Variants in MLF1 observed in about 807,000 individuals in gnomAD.
MLF1 encodes the protein myeloid leukemia factor 1, also known as myelodysplasia-myeloid leukemia factor 1.
Under a neutral mutation model 38.3 loss-of-function variants are expected in MLF1, and 37 were observed. The ratio of observed to expected loss-of-function variants is 0.96; its 90% confidence interval spans 0.74 to 1.27. The LOEUF (loss-of-function observed/expected upper bound fraction) is 1.27, where lower values mean the gene tolerates loss of function less well. MLF1 is among the 50% of genes most tolerant of loss of function. The probability of loss-of-function intolerance (pLI) is 0.00; values close to 1 mark genes in which losing one functional copy is unlikely to be tolerated. For synonymous variants in MLF1, 95 were observed against 106.5 expected, an observed-to-expected ratio of 0.89 and a Z score of 0.66; for missense variants, 331 against 349.2, an observed-to-expected ratio of 0.95 and a Z score of 0.42.
chr3:158,601,080 A>G (rs546514970), intron 6 of MLF1, among the ~76,000 whole-genome samples: 1 of 152,198 alleles, frequency 6.6e-6, no homozygotes, highest in Non-Finnish European at 1.5e-5. Flanking sequence ...CTAGTTTCAG[A>G]AAGTATTTTG....
intron 6 of MLF1, among the ~76,000 whole-genome samples, chr3:158,601,157 G>A (rs568044725): frequency 2.7e-4 from 41 of 152,134 alleles, no homozygotes; most frequent in African/African-American, 9.9e-4. Flanking sequence ...AATTCTGGCC[G>A]GGCACGGTGG....
At chr3:158,579,066 A>G (rs2108564524) in intron 1 of MLF1, among the ~76,000 whole-genome samples, 1 of 152,310 alleles carries the variant, frequency 6.6e-6, no homozygotes, top group South Asian at 2.1e-4. Flanking sequence ...TAAATCTTTA[A>G]CAACATTTTC....
chr3:158,578,380 A>AGTGT (rs113149645), intron 1 of MLF1, among the ~76,000 whole-genome samples: 2,243 of 149,476 alleles, frequency 0.015, 60 homozygotes, highest in African/African-American at 0.05. Flanking sequence ...AGGCAAAATA[A>AGTGT]GTGTGTGTGT....
rs1049216623 is a variant in MLF1 at position 158,601,891 on chromosome 3, A to G, written c.614-916A>G. 5.4e-5 allele frequency among the ~76,000 whole-genome samples: 7 copies of G among 129,232 alleles called. No homozygotes were observed. In the Admixed American group the frequency reaches 6.8e-4, roughly 13 times the overall value. 84.8% of individuals were successfully genotyped at this position (129,232 alleles called of 152,430 possible). Reference sequence around the variant, plus strand: ...TGGTGCAGTGGTGTGATCTCGGCTCACTGCAAGCTCCGCCTCCCAGGTTCA... The same window carrying G: ...TGGTGCAGTGGTGTGATCTCGGCTCGCTGCAAGCTCCGCCTCCCAGGTTCA... On this transcript the variant is annotated intron_variant, in intron 6 of 7. Coordinates refer to ENST00000466246, the MANE Select transcript of MLF1 (RefSeq NM_001369783.1).
intron 1 of MLF1, among the ~76,000 whole-genome samples, chr3:158,590,421 C>A (rs1279379819): frequency 2.6e-5 from 4 of 152,202 alleles, no homozygotes; most frequent in African/African-American, 9.6e-5. Flanking sequence ...AGTCCTTGCT[C>A]TGAGGTGTTT....
intron 3 of MLF1, among the ~76,000 whole-genome samples, chr3:158,593,855 C>G (rs920657517): frequency 1.3e-5 from 2 of 152,142 alleles, no homozygotes; most frequent in Admixed American, 1.3e-4. Flanking sequence ...CCACCTTGCC[C>G]AGGCAGCTTT....
intron 6 of MLF1, among the ~76,000 whole-genome samples, chr3:158,601,465 G>A (rs540741889): frequency 4.6e-5 from 7 of 152,182 alleles, no homozygotes; most frequent in Non-Finnish European, 8.8e-5. Context: ...AGCTACTCGT[G>A]GGGCTGAAGC....
At position 158,601,713 on chromosome 3, in the gene MLF1, C is replaced by T. The variant is rs141080341; in HGVS notation, c.614-1094C>T. Among the ~76,000 whole-genome samples, 382 of 149,954 alleles carry T rather than the reference C, an allele frequency of 2.5e-3. 7 individuals are homozygous for T. In the East Asian group the frequency reaches 0.054, roughly 21 times the overall value. The stretch of plus-strand genomic sequence containing the variant: ...CAGAGGTTGCAGTGAGCCAAGATCA[C>T]GCATTGCACTCCAGCCTGGGCAAAA... On this transcript the variant is annotated intron_variant, in intron 6 of 7. Transcript: ENST00000466246.
chr3:158,605,032 G>A lies in MLF1; in HGVS notation c.747-65G>A. 18 of 1,143,270 alleles carry A rather than the reference G, an allele frequency of 1.6e-5. No individual in the cohort carries two copies. The South Asian group carries it at 2.6e-4, about 16-fold the overall frequency. The allele number at this position is 1,143,270 out of a possible 1,614,324, so 70.8% of individuals were successfully genotyped here. On this transcript the variant is annotated intron_variant, in intron 7 of 7. Coordinates refer to ENST00000466246, the MANE Select transcript of MLF1 (RefSeq NM_001369783.1). ...TATTACAGTGGTTTTTAACATGTTTGTATTGATTTATAAACCATTGGCCAT... is the reference window on the plus strand; with the variant it reads ...TATTACAGTGGTTTTTAACATGTTTATATTGATTTATAAACCATTGGCCAT...
rs762653123 is a variant in MLF1, at chr3:158,591,155, AT to A, written c.48-1276del. The A allele has an allele frequency of 6.3e-6, 3 of 475,270 alleles. No homozygotes were observed. In the African/African-American group the frequency reaches 6.4e-5, roughly 10 times the overall value. The allele number at this position is 475,270 out of a possible 1,614,324, so 29.4% of individuals were successfully genotyped here. Reference sequence around the variant, plus strand: ...CCTTTGAGCTGGAGTTGCAAGGAAAATTTCTTTTTTTTTTTTTTTTTTGAGA... The same window carrying A: ...CCTTTGAGCTGGAGTTGCAAGGAAAATTCTTTTTTTTTTTTTTTTTTGAGA... On this transcript the variant is annotated intron_variant, in intron 1 of 7. Transcript: ENST00000466246.
intron 1 of MLF1, among the ~76,000 whole-genome samples, chr3:158,574,391 G>A (rs1715043113): frequency 6.6e-6 from 1 of 151,558 alleles, no homozygotes; most frequent in Non-Finnish European, 1.5e-5. Context: ...CCAGAGGCGA[G>A]GCTTGGTGGC....
chr3:158,587,219 A>G (rs1425501220), intron 1 of MLF1, among the ~76,000 whole-genome samples: 1 of 152,218 alleles, frequency 6.6e-6, no homozygotes, highest in Admixed American at 6.5e-5. Flanking sequence ...AGGATGTTCA[A>G]GTTGAAGTAG....
intron 4 of MLF1, among the ~76,000 whole-genome samples, 153 bp downstream of exon 4, chr3:158,597,098 T>C (rs1457580050): frequency 6.6e-6 from 1 of 152,114 alleles, no homozygotes; most frequent in East Asian, 1.9e-4. Flanking sequence ...TTTATAAATA[T>C]ATTTGAAGCA....
chr3:158,602,989 A>T, intron 7 of MLF1, 50 bp downstream of exon 7: 1 of 1,529,280 alleles, frequency 6.5e-7, no homozygotes. Context: ...AATTTGAAGT[A>T]AAGTTATGTA....
In MLF1 at chr3:158,587,258, A is replaced by G. The variant is rs138451278; in HGVS notation, c.48-5176A>G. Among the ~76,000 whole-genome samples, 21 of 152,310 alleles carry G rather than the reference A, an allele frequency of 1.4e-4. No individual in the cohort carries two copies. The East Asian group carries it at 3.9e-3, about 28-fold the overall frequency. On this transcript the variant is annotated intron_variant, in intron 1 of 7. Coordinates refer to ENST00000466246, the MANE Select transcript of MLF1 (RefSeq NM_001369783.1). ...TTAGAGGACAGGGAAGAGAACAGAT[A>G]ATGGATTAAAATTGGAGAAAGCATG...
At chr3:158,588,372 C>T (rs1461680573) in intron 1 of MLF1, among the ~76,000 whole-genome samples, 2 of 152,098 alleles carry the variant, frequency 1.3e-5, no homozygotes, top group Non-Finnish European at 1.5e-5. Context: ...ATAACTAATA[C>T]ATGTTATGTC....
intron 1 of MLF1, chr3:158,582,753 T>C: frequency 1.8e-6 from 1 of 559,526 alleles, no homozygotes; most frequent in Non-Finnish European, 3.1e-6. Flanking sequence ...AAAATTATCC[T>C]TTAAAAGTCA....
At position 158,571,232 on chromosome 3, in the gene MLF1, G is replaced by A; in HGVS notation, c.-69G>A. On this transcript the variant is annotated 5_prime_UTR_variant, in exon 1 of 8. Transcript: ENST00000466246. ...TCCGTACTGGAGGCTAGCTCTTGTC[G>A]CGGCCGCGGCGAGTTAACATCGTTT... 2 of 1,324,234 alleles carry A rather than the reference G, an allele frequency of 1.5e-6. No homozygotes were observed. Among genetic ancestry groups the A allele is most frequent in the Non-Finnish European group, 2.2e-6 (2 of 924,760 alleles). 82.0% of individuals were successfully genotyped at this position (1,324,234 alleles called of 1,614,324 possible). A position where few individuals can be genotyped will look rare whatever the true frequency, so the allele number is the denominator to read the frequency against.
chr3:158,573,928 A>G (rs2108542159), intron 1 of MLF1, among the ~76,000 whole-genome samples: 1 of 152,098 alleles, frequency 6.6e-6, no homozygotes, highest in African/African-American at 2.4e-5. Flanking sequence ...CCTCAGCTTC[A>G]CAAGTAGCTG....
Sources: allele counts gnomAD v4.1 joint callset (sites outside exome capture counted in the v4.1 genomes callset), GRCh38; gene constraint gnomAD v4.1.1; transcripts MANE v1.5; gene names NCBI Gene and HGNC (gene_info 2026-07-23, HGNC 2026-07-21).